Variants in RABGAP1L observed in about 807,000 individuals in gnomAD.
RABGAP1L encodes RAB GTPase activating protein 1 like.
RABGAP1L carries 63 observed loss-of-function variants against 137.7 expected under a neutral mutation model. The ratio of observed to expected loss-of-function variants is 0.46; its 90% CI spans 0.37 to 0.56. The LOEUF (loss-of-function observed/expected upper bound fraction) is 0.56, where lower values mean the gene tolerates loss of function less well. Ranked by LOEUF, RABGAP1L falls within the 20% of genes least tolerant of loss-of-function variation. The pLI is 0.00. For missense variants in RABGAP1L, 1,095 were observed against 1,244.0 expected, an observed-to-expected ratio of 0.88 and a Z score of 1.80; for synonymous variants, 431 against 433.7, an observed-to-expected ratio of 0.99 and a Z score of 0.08.
At position 174,643,024 on chromosome 1, in the gene RABGAP1L, A is replaced by G. The variant is rs1049583144; in HGVS notation, c.1824+5536A>G. Among the ~76,000 whole-genome samples, 14 of 151,988 alleles carry G rather than the reference A, an allele frequency of 9.2e-5. 1 individual carries two copies. Among genetic ancestry groups the G allele is most frequent in the Admixed American group, 8.5e-4 (13 of 15,276 alleles). ...GCTCTTGAATCCCTGAATTCGGACAATTCGCCTGCCTCGGTCTCTCAGAGT... is the reference window on the plus strand; with the variant it reads ...GCTCTTGAATCCCTGAATTCGGACAGTTCGCCTGCCTCGGTCTCTCAGAGT... On this transcript the variant is annotated intron_variant, in intron 14 of 25. Transcript: ENST00000681986.
In RABGAP1L at chr1:174,661,682, C is replaced by CTG. The variant is rs1045260455; in HGVS notation, c.1825-21828_1825-21827dup. ...TCTTTTGGTTTAGTTTTGGATATGG[C>CTG]TGTGTGTGTGTGTCTAGTAAGATAT... On this transcript the variant is annotated intron_variant, in intron 14 of 25. Transcript: ENST00000681986. Among the ~76,000 whole-genome samples the CTG allele has an allele frequency of 2.1e-4, 32 of 151,908 alleles. No homozygotes were observed. In the Middle Eastern group the frequency reaches 0.01, roughly 48 times the overall value.
chr1:174,549,609 A>G (rs1260441270), intron 13 of RABGAP1L, among the ~76,000 whole-genome samples: 2 of 152,226 alleles, frequency 1.3e-5, no homozygotes, highest in Non-Finnish European at 2.9e-5. Context: ...GATCTCAAGA[A>G]ATGGAACAAG....
intron 18 of RABGAP1L, among the ~76,000 whole-genome samples, chr1:174,774,024 C>T (rs973564482): frequency 6.6e-6 from 1 of 152,148 alleles, no homozygotes. Context: ...TTTGATAACT[C>T]ACTGTGGGAA....
At chr1:174,516,133 A>ACACAC (rs1662818108) in intron 13 of RABGAP1L, among the ~76,000 whole-genome samples, 1 of 138,110 alleles carries the variant, frequency 7.2e-6, no homozygotes, top group South Asian at 2.4e-4. Context: ...ACACACACAC[A>ACACAC]CACACACACA....
chr1:174,915,584 G>A (rs981891530), intron 19 of RABGAP1L, among the ~76,000 whole-genome samples: 1 of 152,162 alleles, frequency 6.6e-6, no homozygotes, highest in Non-Finnish European at 1.5e-5. Context: ...AGCCTCCCGA[G>A]TAGCTAGGAC....
intron 1 of RABGAP1L, among the ~76,000 whole-genome samples, chr1:174,187,921 A>G (rs974161776): frequency 1.3e-5 from 2 of 152,156 alleles, no homozygotes; most frequent in African/African-American, 2.4e-5. Flanking sequence ...GATAATTAAA[A>G]CTAAACTAAT....
At chr1:174,725,358 CA>C (rs1681895881) in intron 17 of RABGAP1L, among the ~76,000 whole-genome samples, 1 of 152,080 alleles carries the variant, frequency 6.6e-6, no homozygotes, top group Admixed American at 6.5e-5. Context: ...ACATCATCCC[CA>C]AAAGACTAAA....
At chr1:174,221,202 G>T (rs775458305) in intron 3 of RABGAP1L, 38 bp downstream of exon 3, 1 of 1,381,690 alleles carries the variant, frequency 7.2e-7, no homozygotes, top group Non-Finnish European at 9.6e-7. Context: ...TAAAGAAATG[G>T]GATAAAGTAA....
At chr1:174,548,345 G>T in intron 13 of RABGAP1L, 1 of 1,131,888 alleles carries the variant, frequency 8.8e-7, no homozygotes. Flanking sequence ...TTTTTAAAGT[G>T]CTCTATTACC....
chr1:174,875,928 G>A (rs1304828543), intron 19 of RABGAP1L, among the ~76,000 whole-genome samples: 5 of 152,020 alleles, frequency 3.3e-5, no homozygotes, highest in Admixed American at 6.6e-5. Flanking sequence ...TTAATCTTGT[G>A]GATTTATTTA....
chr1:174,618,353 GTC>G (rs1672104885), intron 13 of RABGAP1L, among the ~76,000 whole-genome samples: 1 of 151,960 alleles, frequency 6.6e-6, no homozygotes, highest in East Asian at 1.9e-4. Flanking sequence ...CCTCAAGTGG[GTC>G]TCTGACCCAC....
chr1:174,198,049 A>G (rs1667827013), intron 1 of RABGAP1L, among the ~76,000 whole-genome samples: 1 of 152,208 alleles, frequency 6.6e-6, no homozygotes, highest in African/African-American at 2.4e-5. Flanking sequence ...GTAGTTGGGT[A>G]TATGTATCAT....
intron 1 of RABGAP1L, among the ~76,000 whole-genome samples, chr1:174,203,717 A>G (rs1265740491): frequency 6.6e-6 from 1 of 152,140 alleles, no homozygotes. Flanking sequence ...ATGACATTCT[A>G]TCCATGAGCA....
chr1:174,568,634 T>C (rs909605132), intron 13 of RABGAP1L, among the ~76,000 whole-genome samples: 2 of 152,168 alleles, frequency 1.3e-5, no homozygotes, highest in Non-Finnish European at 2.9e-5. Flanking sequence ...AATAGGAGTG[T>C]GCACTTGAAT....
At position 174,990,031 on chromosome 1, in the gene RABGAP1L, A is replaced by G. The variant is rs1187875187; in HGVS notation, c.*30A>G. ...AGCCTTACCCAAGCACAAGAGCACA[A>G]TGTTCAAACCAATGGAAATCTGGGA... On this transcript the variant is annotated 3_prime_UTR_variant, in exon 26 of 26. Transcript: ENST00000681986. 3.3e-6 allele frequency: 5 copies of G among 1,502,978 alleles called. No individual in the cohort carries two copies. The highest frequency in any genetic ancestry group is 4.5e-6 in the Non-Finnish European group (5 of 1,105,232). The allele number at this position is 1,502,978 out of a possible 1,614,324, so 93.1% of individuals were successfully genotyped here.
intron 1 of RABGAP1L, among the ~76,000 whole-genome samples, chr1:174,216,587 G>GTT (rs374265714): frequency 2.8e-4 from 39 of 137,298 alleles, no homozygotes; most frequent in Non-Finnish European, 4.9e-4. Context: ...TTGCTGTCAT[G>GTT]TTTTTTTTTT....
intron 1 of RABGAP1L, among the ~76,000 whole-genome samples, chr1:174,208,992 T>G (rs1385224177): frequency 3.9e-5 from 6 of 152,146 alleles, no homozygotes; most frequent in Non-Finnish European, 7.4e-5. Context: ...GGAAGATGGT[T>G]GTTGTCCACG....
chr1:174,165,225 T>C (rs1043449976), intron 1 of RABGAP1L, among the ~76,000 whole-genome samples: 16 of 152,228 alleles, frequency 1.1e-4, no homozygotes, highest in African/African-American at 3.9e-4. Flanking sequence ...CTCGGCTCAC[T>C]GCAACCTCTG....
At chr1:174,953,225 G>A (rs1668008079) in intron 19 of RABGAP1L, among the ~76,000 whole-genome samples, 1 of 152,122 alleles carries the variant, frequency 6.6e-6, no homozygotes, top group Non-Finnish European at 1.5e-5. Flanking sequence ...TATTCAGTCT[G>A]AAAGAGTCAT....
Sources: allele counts gnomAD v4.1 joint callset (sites outside exome capture counted in the v4.1 genomes callset), GRCh38; gene constraint gnomAD v4.1.1; transcripts MANE v1.5; gene names NCBI Gene and HGNC (gene_info 2026-07-23, HGNC 2026-07-21).